Variants in FER1L6 observed in about 807,000 individuals in gnomAD.
FER1L6 encodes the protein fer-1-like protein 6.
A neutral mutation model predicts 219.2 loss-of-function variants in FER1L6; 177 were observed. The observed-to-expected ratio is 0.81, with a 90% confidence interval of 0.71 to 0.91. The LOEUF (loss-of-function observed/expected upper bound fraction) is 0.91, where lower values mean the gene tolerates loss of function less well. Ranked by LOEUF, FER1L6 falls within the 40% of genes least tolerant of loss-of-function variation. The pLI is 0.00. For missense variants in FER1L6, 2,153 were observed against 2,259.9 expected (o/e 0.95, Z 0.96); for synonymous variants, 768 against 824.3 (o/e 0.93, Z 1.17).
intron 39 of FER1L6, among the ~76,000 whole-genome samples, chr8:124,106,056 G>T (rs1822758270): frequency 6.6e-6 from 1 of 152,104 alleles, no homozygotes; most frequent in South Asian, 2.1e-4. Context: ...GATTAAAAAA[G>T]AAGTTCTGAA....
In FER1L6 at chr8:124,064,423, T is replaced by A; in HGVS notation, c.3405T>A (p.Ile1135=). 6.2e-7 allele frequency: 1 copy of A among 1,613,758 alleles called. No homozygotes were observed. The highest frequency in any genetic ancestry group is 2.2e-5 in the East Asian group (1 of 44,898). The change falls in exon 26 of 41, where the codon ATT becomes ATA. Residue 1135 remains isoleucine, a synonymous_variant. Coordinates refer to ENST00000522917, the MANE Select transcript of FER1L6 (RefSeq NM_001039112.2). ...CCCAGGATCCCCCAGCAGATCACAT[T>A]TATGTGGATGTTGAGCCACCTCCCA... ...SSSQDPPADH[I]YVDVEPPPTV...
At chr8:123,947,029 G>A (rs1205794162) in intron 1 of FER1L6, among the ~76,000 whole-genome samples, 2 of 152,126 alleles carry the variant, frequency 1.3e-5, no homozygotes, top group African/African-American at 4.8e-5. Context: ...GCCAGGTGCT[G>A]TAATCCCAGC....
chr8:123,866,639 C>G (rs145234344), intron 1 of FER1L6, among the ~76,000 whole-genome samples: 1 of 152,166 alleles, frequency 6.6e-6, no homozygotes, highest in African/African-American at 2.4e-5. Flanking sequence ...GTCTCCACAT[C>G]CTTGCCAACA....
intron 1 of FER1L6, among the ~76,000 whole-genome samples, chr8:123,878,289 C>G (rs1050837593): frequency 6.6e-6 from 1 of 152,162 alleles, no homozygotes; most frequent in Non-Finnish European, 1.5e-5. Flanking sequence ...CTCCCAAATA[C>G]ACTTTTTAAC....
intron 33 of FER1L6, among the ~76,000 whole-genome samples, chr8:124,087,249 G>A (rs1821823307): frequency 6.6e-6 from 1 of 151,674 alleles, no homozygotes; most frequent in South Asian, 2.1e-4. Context: ...TCTAGATCTT[G>A]TAGGCATGCT....
intron 1 of FER1L6, among the ~76,000 whole-genome samples, chr8:123,873,415 T>C (rs1284462059): frequency 6.6e-6 from 1 of 152,242 alleles, no homozygotes; most frequent in Non-Finnish European, 1.5e-5. Flanking sequence ...GAAAACCTGT[T>C]TCTCCATGGA....
At chr8:124,022,991 C>G (rs1227254133) in intron 17 of FER1L6, among the ~76,000 whole-genome samples, 1 of 152,144 alleles carries the variant, frequency 6.6e-6, no homozygotes, top group East Asian at 1.9e-4. Context: ...CGGCTCACTG[C>G]AACCTCCTCC....
chr8:124,058,987 T>C (rs920384364), intron 22 of FER1L6: 1 of 152,212 alleles, frequency 6.6e-6, no homozygotes, highest in African/African-American at 2.4e-5. Context: ...GAAAACAGAA[T>C]GGTGATATAT....
At position 124,093,070 on chromosome 8, in the gene FER1L6, C is replaced by T. The variant is rs186786844; in HGVS notation, c.4552+1487C>T. Among the ~76,000 whole-genome samples, 60 of 152,116 alleles carry T rather than the reference C, an allele frequency of 3.9e-4. No homozygotes were observed. The East Asian group carries it at 0.011, about 28-fold the overall frequency. On this transcript the variant is annotated intron_variant, in intron 34 of 40. Coordinates refer to ENST00000522917, the MANE Select transcript of FER1L6 (RefSeq NM_001039112.2). ...AACTCCTGACCTCAGGTGATCTGCC[C>T]GCCTTGGCCTTCCAAAGTGCTGGGA...
intron 1 of FER1L6, among the ~76,000 whole-genome samples, chr8:123,921,589 G>A (rs539891380): frequency 4.0e-5 from 6 of 149,866 alleles, no homozygotes; most frequent in Non-Finnish European, 7.4e-5. Context: ...TGCCCAGGAT[G>A]GTCTCAAACT....
At chr8:124,112,033 G>A (rs1465006819) in intron 39 of FER1L6, among the ~76,000 whole-genome samples, 1 of 152,152 alleles carries the variant, frequency 6.6e-6, no homozygotes, top group African/African-American at 2.4e-5. Context: ...AAGTTAGGTG[G>A]TCCAGAGTAA....
At chr8:123,985,902 C>A (rs1376691951) in intron 11 of FER1L6, 166 bp from the exon 12 acceptor site, 2 of 577,510 alleles carry the variant, frequency 3.5e-6, no homozygotes, top group Non-Finnish European at 3.1e-6. Flanking sequence ...GTTTGCAGAT[C>A]CTGATTCATA....
At chr8:123,873,949 C>T (rs909258546) in intron 1 of FER1L6, among the ~76,000 whole-genome samples, 5 of 152,178 alleles carry the variant, frequency 3.3e-5, no homozygotes, top group Non-Finnish European at 5.9e-5. Context: ...TCTCACTACC[C>T]CTCATGCCAC....
At chr8:124,074,121 C>T (rs1227905881) in intron 31 of FER1L6, among the ~76,000 whole-genome samples, 1 of 152,168 alleles carries the variant, frequency 6.6e-6, no homozygotes, top group Non-Finnish European at 1.5e-5. Context: ...TTCTTACCAT[C>T]CTCCTACTCT....
chr8:123,928,377 A>C (rs573655979), intron 1 of FER1L6, among the ~76,000 whole-genome samples: 1 of 152,162 alleles, frequency 6.6e-6, no homozygotes, highest in African/African-American at 2.4e-5. Context: ...GGCTCCACCA[A>C]CCAGATGGCT....
At chr8:124,002,577 G>A (rs913023733) in intron 12 of FER1L6, among the ~76,000 whole-genome samples, 4 of 152,108 alleles carry the variant, frequency 2.6e-5, no homozygotes, top group African/African-American at 9.7e-5. Context: ...CAGTATGCCT[G>A]CAGTGAATAT....
chr8:124,053,723 T>A lies in FER1L6; in HGVS notation c.2874+3967T>A, dbSNP rs74486627. ...AACATAAAAATTCAGCCGGGTGTGA[T>A]GGCACATGCTCATGGTGCCAGCTAC... On this transcript the variant is annotated intron_variant, in intron 22 of 40. Coordinates refer to ENST00000522917, the MANE Select transcript of FER1L6 (RefSeq NM_001039112.2). Among the ~76,000 whole-genome samples, 389 of 152,220 alleles carry A rather than the reference T, an allele frequency of 2.6e-3. 2 individuals are homozygous for A. Among genetic ancestry groups the A allele is most frequent in the South Asian group, 0.012 (60 of 4,812 alleles).
At chr8:123,855,381 G>A (rs1393541580) in intron 1 of FER1L6, among the ~76,000 whole-genome samples, 1 of 152,110 alleles carries the variant, frequency 6.6e-6, no homozygotes, top group Non-Finnish European at 1.5e-5. Context: ...TCTGCTCTGG[G>A]CCTTGAGTAG....
At chr8:124,095,087 A>C in intron 35 of FER1L6, 49 bp downstream of exon 35, 8 of 1,602,494 alleles carry the variant, frequency 5.0e-6, no homozygotes, top group Non-Finnish European at 6.8e-6. Flanking sequence ...TGTGTACTGT[A>C]GAGTAATGGT....
Sources: gnomAD v4.1 joint callset for allele counts (sites outside exome capture counted in the v4.1 genomes callset) on GRCh38, gnomAD v4.1.1 for gene constraint, MANE v1.5 for transcripts, NCBI Gene and HGNC (gene_info 2026-07-23, HGNC 2026-07-21) for gene names.